RBMS1: variants seen among roughly 807,000 people sequenced by gnomAD.
The protein encoded by RBMS1 is RNA-binding motif, single-stranded-interacting protein 1.
Under a neutral mutation model 62.3 loss-of-function variants are expected in RBMS1, and 17 were observed. That is an observed-to-expected ratio of 0.27 (90% CI 0.19 to 0.41). The LOEUF is 0.41. Ranked by LOEUF, RBMS1 falls within the 10% of genes least tolerant of loss-of-function variation. The pLI is 1.00. For synonymous variants in RBMS1, 172 were observed against 170.0 expected (o/e 1.01, Z -0.09); for missense variants, 334 against 504.5 (o/e 0.66, Z 3.24).
intron 1 of RBMS1, among the ~76,000 whole-genome samples, chr2:160,473,402 T>C (rs1266606825): frequency 2.0e-5 from 3 of 152,218 alleles, no homozygotes; most frequent in Non-Finnish European, 4.4e-5. Flanking sequence ...CAGAGAGATT[T>C]TGTTAATTTC....
chr2:160,374,020 C>G lies in RBMS1; in HGVS notation c.76-6629G>C, dbSNP rs1325252185. ...AGGGGTGGTGGCTCATATCTGTAAT[C>G]CCAGCACTTTGGGAGGCCAAGGTGG... On this transcript the variant is annotated intron_variant, in intron 1 of 13. Coordinates refer to ENST00000348849, the MANE Select transcript of RBMS1 (RefSeq NM_016836.4). 2.0e-5 allele frequency among the ~76,000 whole-genome samples: 3 copies of G among 152,108 alleles called. No individual in the cohort carries two copies. The East Asian group carries it at 5.8e-4, about 29-fold the overall frequency.
At chr2:160,392,009 G>T (rs886319219) in intron 1 of RBMS1, among the ~76,000 whole-genome samples, 6 of 151,764 alleles carry the variant, frequency 4.0e-5, no homozygotes, top group African/African-American at 1.5e-4. Context: ...ATGTAGTAAC[G>T]ATTACACAGA....
At chr2:160,311,224 C>CAATATA in intron 4 of RBMS1, among the ~76,000 whole-genome samples, 1 of 56,634 alleles carries the variant, frequency 1.8e-5, no homozygotes. Flanking sequence ...ATCTATCTAT[C>CAATATA]TATCTATCTA....
chr2:160,307,186 G>C (rs987924919), intron 4 of RBMS1, among the ~76,000 whole-genome samples: 3 of 152,112 alleles, frequency 2.0e-5, no homozygotes, highest in African/African-American at 7.2e-5. Flanking sequence ...TTCCTAAAAT[G>C]CAAGAACGGG....
chr2:160,364,906 C>A (rs981002621), intron 2 of RBMS1, among the ~76,000 whole-genome samples: 1 of 152,146 alleles, frequency 6.6e-6, no homozygotes, highest in African/African-American at 2.4e-5. Context: ...AATTACAGTG[C>A]TAAATTTTTA....
intron 3 of RBMS1, 125 bp downstream of exon 3, chr2:160,318,044 C>A (rs1360125360): frequency 2.9e-6 from 4 of 1,388,264 alleles, no homozygotes; most frequent in South Asian, 1.4e-5. Flanking sequence ...AAGACAGAAA[C>A]TGGGTGATAT....
chr2:160,333,760 C>G (rs1163159405), intron 2 of RBMS1, among the ~76,000 whole-genome samples: 2 of 152,058 alleles, frequency 1.3e-5, no homozygotes, highest in Non-Finnish European at 2.9e-5. Context: ...AATGAAAAAT[C>G]AAATTTCCTT....
intron 1 of RBMS1, among the ~76,000 whole-genome samples, chr2:160,396,207 A>G (rs1024554059): frequency 6.6e-6 from 1 of 152,192 alleles, no homozygotes; most frequent in African/African-American, 2.4e-5. Flanking sequence ...ATTTTTTTAA[A>G]TGGACGTTGG....
chr2:160,279,601 A>G (rs904224629), intron 10 of RBMS1: 1 of 152,240 alleles, frequency 6.6e-6, no homozygotes, highest in South Asian at 2.1e-4. Context: ...GATTGTATAA[A>G]CCAAAATTCA....
chr2:160,452,022 C>G (rs1329837390), intron 1 of RBMS1, among the ~76,000 whole-genome samples: 5 of 151,922 alleles, frequency 3.3e-5, no homozygotes, highest in African/African-American at 1.2e-4. Flanking sequence ...CAAATAAAAC[C>G]TGAATAAAAG....
At chr2:160,434,340 A>C (rs1420834305) in intron 1 of RBMS1, among the ~76,000 whole-genome samples, 1 of 152,130 alleles carries the variant, frequency 6.6e-6, no homozygotes, top group Non-Finnish European at 1.5e-5. Context: ...TCAAAATCTT[A>C]CTCTAGCCAA....
chr2:160,451,161 A>AAAAAAAAT (rs1683970288), intron 1 of RBMS1, among the ~76,000 whole-genome samples: 2 of 151,054 alleles, frequency 1.3e-5, no homozygotes, highest in Non-Finnish European at 3.0e-5. Context: ...TGCTTCAGAA[A>AAAAAAAAT]AAAAAAAATA....
chr2:160,351,179 G>C (rs1692476589), intron 2 of RBMS1, among the ~76,000 whole-genome samples: 1 of 151,094 alleles, frequency 6.6e-6, no homozygotes, highest in Non-Finnish European at 1.5e-5. Context: ...CCTGTCGTGG[G>C]GTAGGGGGAG....
chr2:160,387,602 G>C (rs1437873982), intron 1 of RBMS1, among the ~76,000 whole-genome samples: 1 of 152,126 alleles, frequency 6.6e-6, no homozygotes, highest in Non-Finnish European at 1.5e-5. Flanking sequence ...TTCCTACTCT[G>C]TGTACAGCAG....
chr2:160,339,008 G>C (rs535502723), intron 2 of RBMS1, among the ~76,000 whole-genome samples: 1 of 152,306 alleles, frequency 6.6e-6, no homozygotes, highest in South Asian at 2.1e-4. Flanking sequence ...GGAAGCAAAA[G>C]CAAGTTGTCC....
intron 4 of RBMS1, among the ~76,000 whole-genome samples, chr2:160,304,500 G>A (rs2105954215): frequency 6.6e-6 from 1 of 152,298 alleles, no homozygotes; most frequent in African/African-American, 2.4e-5. Flanking sequence ...TTACGCACAT[G>A]AGCTGCATAA....
intron 1 of RBMS1, among the ~76,000 whole-genome samples, chr2:160,485,206 C>G (rs995418997): frequency 1.3e-5 from 2 of 152,184 alleles, no homozygotes; most frequent in Admixed American, 1.3e-4. Context: ...AGAGGGCTCT[C>G]AGGGGACCCC....
intron 1 of RBMS1, among the ~76,000 whole-genome samples, chr2:160,482,289 G>A (rs1685402635): frequency 6.6e-6 from 1 of 152,206 alleles, no homozygotes; most frequent in African/African-American, 2.4e-5. Flanking sequence ...AGTCACACTA[G>A]TAGTTACCTT....
intron 1 of RBMS1, among the ~76,000 whole-genome samples, chr2:160,391,251 G>GCACA (rs1226722645): frequency 1.3e-5 from 2 of 149,918 alleles, no homozygotes; most frequent in South Asian, 2.1e-4. Flanking sequence ...AGACAGGCAG[G>GCACA]CACACAGACA....
Sources: gnomAD v4.1 joint callset for allele counts (sites outside exome capture counted in the v4.1 genomes callset) on GRCh38, gnomAD v4.1.1 for gene constraint, MANE v1.5 for transcripts, NCBI Gene and HGNC (gene_info 2026-07-23, HGNC 2026-07-21) for gene names.